CNTNAP2: variants seen among roughly 807,000 people sequenced by gnomAD.
The protein encoded by CNTNAP2 is contactin associated protein 2, also known as contactin-associated protein-like 2.
Under a neutral mutation model 155.2 loss-of-function variants are expected in CNTNAP2, and 98 were observed. The ratio of observed to expected loss-of-function variants is 0.63; its 90% CI spans 0.54 to 0.75. The LOEUF (loss-of-function observed/expected upper bound fraction) is 0.75. Ranked by LOEUF, CNTNAP2 falls within the 30% of genes least tolerant of loss-of-function variation. The probability of loss-of-function intolerance (pLI) is 0.00; values close to 1 mark genes in which losing one functional copy is unlikely to be tolerated. For missense variants in CNTNAP2, 1,727 were observed against 1,688.1 expected (o/e 1.02, Z -0.40); for synonymous variants, 651 against 631.2 (o/e 1.03, Z -0.47).
chr7:147,858,497 A>G (rs1451328389), intron 13 of CNTNAP2, among the ~76,000 whole-genome samples: 2 of 152,218 alleles, frequency 1.3e-5, no homozygotes, highest in African/African-American at 4.8e-5. Context: ...TGTTATTGAG[A>G]TGTTGTTTAA....
At chr7:148,015,677 C>G (rs895508815) in intron 15 of CNTNAP2, among the ~76,000 whole-genome samples, 1 of 152,338 alleles carries the variant, frequency 6.6e-6, no homozygotes, top group Admixed American at 6.5e-5. Context: ...CCAACACACA[C>G]CAACCACTTT....
chr7:146,473,901 A>C (rs962127294), intron 1 of CNTNAP2, among the ~76,000 whole-genome samples: 4 of 152,226 alleles, frequency 2.6e-5, no homozygotes, highest in Non-Finnish European at 4.4e-5. Flanking sequence ...TGTCTTGTAG[A>C]ATAAAAGATT....
intron 13 of CNTNAP2, among the ~76,000 whole-genome samples, chr7:147,860,057 T>C (rs997929537): frequency 1.3e-5 from 2 of 152,038 alleles, no homozygotes; most frequent in Non-Finnish European, 2.9e-5. Flanking sequence ...TGGGAGGTGA[T>C]TGGGTCATGG....
rs144944916 is a variant in CNTNAP2, at chr7:146,130,387, G to T, written c.97+13414G>T. On this transcript the variant is annotated intron_variant, in intron 1 of 23. Coordinates refer to ENST00000361727, the MANE Select transcript of CNTNAP2 (RefSeq NM_014141.6). Reference sequence around the variant, plus strand: ...GGAGAGGCTGAGGTGGAAGGATTGCGTGAGCCCCGGAGTTCAAAGCTACAG... The same window carrying T: ...GGAGAGGCTGAGGTGGAAGGATTGCTTGAGCCCCGGAGTTCAAAGCTACAG... 4.2e-3 allele frequency among the ~76,000 whole-genome samples: 647 copies of T among 152,248 alleles called. 3 individuals carry two copies. The highest frequency in any genetic ancestry group is 7.3e-3 in the Non-Finnish European group (496 of 68,014).
At chr7:146,877,323 G>A (rs902174180) in intron 3 of CNTNAP2, among the ~76,000 whole-genome samples, 9 of 75,898 alleles carry the variant, frequency 1.2e-4, no homozygotes, top group Non-Finnish European at 2.0e-4. Flanking sequence ...GTAACATAGT[G>A]AGACCCCCCC....
At chr7:146,245,500 G>T (rs1372873716) in intron 1 of CNTNAP2, among the ~76,000 whole-genome samples, 1 of 152,206 alleles carries the variant, frequency 6.6e-6, no homozygotes, top group Admixed American at 6.5e-5. Flanking sequence ...GGCTAAAACA[G>T]TAAGATCCAG....
chr7:147,953,893 T>A (rs1800977893), intron 14 of CNTNAP2, among the ~76,000 whole-genome samples: 1 of 152,162 alleles, frequency 6.6e-6, no homozygotes, highest in Non-Finnish European at 1.5e-5. Context: ...AGCCATTGGA[T>A]TAGGGCCCAT....
chr7:147,791,364 A>G (rs1211110977), intron 13 of CNTNAP2, among the ~76,000 whole-genome samples: 1 of 151,548 alleles, frequency 6.6e-6, no homozygotes. Context: ...CTTACATGAC[A>G]TATAGTCATA....
chr7:146,999,780 G>T (rs887635769), intron 3 of CNTNAP2, among the ~76,000 whole-genome samples: 3 of 151,942 alleles, frequency 2.0e-5, no homozygotes, highest in African/African-American at 7.2e-5. Context: ...TTTGTGGTTT[G>T]CTTCTTCGCT....
chr7:146,494,253 G>T (rs1453535162), intron 1 of CNTNAP2, among the ~76,000 whole-genome samples: 9 of 151,980 alleles, frequency 5.9e-5, no homozygotes. Context: ...AGAATGGCAT[G>T]AATCCGGGAG....
intron 1 of CNTNAP2, among the ~76,000 whole-genome samples, chr7:146,593,168 A>ATAT (rs1442975987): frequency 1.3e-5 from 2 of 149,948 alleles, no homozygotes; most frequent in African/African-American, 2.4e-5. Context: ...ATTATTATTA[A>ATAT]TATTATTATT....
intron 4 of CNTNAP2, among the ~76,000 whole-genome samples, chr7:147,048,306 G>A (rs1799407268): frequency 6.6e-6 from 1 of 152,000 alleles, no homozygotes; most frequent in Non-Finnish European, 1.5e-5. Context: ...TGAACACCTT[G>A]GAACCAGAGG....
intron 1 of CNTNAP2, among the ~76,000 whole-genome samples, chr7:146,567,386 A>G (rs1217605974): frequency 1.3e-5 from 2 of 152,236 alleles, no homozygotes; most frequent in Non-Finnish European, 2.9e-5. Flanking sequence ...TTCTAAAACA[A>G]TAAATGTAGT....
intron 1 of CNTNAP2, among the ~76,000 whole-genome samples, chr7:146,452,496 C>G (rs1264460119): frequency 6.6e-6 from 1 of 152,140 alleles, no homozygotes; most frequent in Non-Finnish European, 1.5e-5. Flanking sequence ...TGTTCGATAA[C>G]AGTGTTTGCC....
chr7:146,755,398 A>C (rs1164542206), intron 1 of CNTNAP2, among the ~76,000 whole-genome samples: 1 of 152,018 alleles, frequency 6.6e-6, no homozygotes, highest in Non-Finnish European at 1.5e-5. Context: ...CCACTGAAAA[A>C]TAAATTGTTA....
intron 14 of CNTNAP2, among the ~76,000 whole-genome samples, chr7:147,936,318 T>C (rs1800607013): frequency 6.8e-6 from 1 of 148,042 alleles, no homozygotes; most frequent in Non-Finnish European, 1.5e-5. Flanking sequence ...TTTTTTGCAC[T>C]CACTTATTTT....
chr7:148,071,282 G>A (rs1430073573), intron 15 of CNTNAP2, among the ~76,000 whole-genome samples: 1 of 152,124 alleles, frequency 6.6e-6, no homozygotes, highest in Non-Finnish European at 1.5e-5. Flanking sequence ...TTCGAGACCA[G>A]TCTGGCCAAC....
chr7:147,839,630 C>A (rs554822674), intron 13 of CNTNAP2, among the ~76,000 whole-genome samples: 236 of 152,244 alleles, frequency 1.6e-3, no homozygotes, highest in African/African-American at 5.4e-3. Flanking sequence ...TTAACAGCAT[C>A]CCTGGCCTCT....
intron 3 of CNTNAP2, among the ~76,000 whole-genome samples, chr7:147,006,057 T>TG (rs1798518445): frequency 6.6e-6 from 1 of 151,962 alleles, no homozygotes; most frequent in Non-Finnish European, 1.5e-5. Context: ...AAAAGACAGA[T>TG]TAACAAGAAA....
Sources: gnomAD v4.1 joint callset for allele counts (sites outside exome capture counted in the v4.1 genomes callset) on GRCh38, gnomAD v4.1.1 for gene constraint, MANE v1.5 for transcripts, NCBI Gene and HGNC (gene_info 2026-07-23, HGNC 2026-07-21) for gene names.